RFFL: variants seen among roughly 807,000 people sequenced by gnomAD.
RFFL encodes ring finger and FYVE like domain containing E3 ubiquitin protein ligase, also known as E3 ubiquitin-protein ligase rififylin.
RFFL carries 16 observed loss-of-function variants against 40.4 expected under a neutral mutation model. The observed-to-expected ratio is 0.40, with a 90% CI of 0.27 to 0.60. The LOEUF (loss-of-function observed/expected upper bound fraction) is 0.60. Among genes scored for constraint, RFFL ranks in the 20% least tolerant of loss-of-function variants. RFFL has a pLI of 0.47. For synonymous variants in RFFL, 154 were observed against 167.9 expected (o/e 0.92, Z 0.64); for missense variants, 367 against 451.7 (o/e 0.81, Z 1.70).
In RFFL at chr17:35,011,885, GCTC is replaced by G; in HGVS notation, c.*80_*82del. The G allele has an allele frequency of 1.5e-6, 2 of 1,324,630 alleles. No homozygotes were observed. The highest frequency in any genetic ancestry group is 3.7e-5 in the Admixed American group (2 of 53,564). The allele number at this position is 1,324,630 out of a possible 1,614,324, so 82.1% of individuals were successfully genotyped here. A position where few individuals can be genotyped will look rare whatever the true frequency, so the allele number is the denominator to read the frequency against. ...AACCCTGCAATATTTCTACTAGCTTGCTCCTCTGCAAGCTGGCCAACCCTGAGC... is the reference window on the plus strand; with the variant it reads ...AACCCTGCAATATTTCTACTAGCTTGCTCTGCAAGCTGGCCAACCCTGAGC... On this transcript the variant is annotated 3_prime_UTR_variant, in exon 7 of 7. Transcript: ENST00000394597.
intron 1 of RFFL, among the ~76,000 whole-genome samples, chr17:35,028,519 G>A (rs1019914395): frequency 2.6e-5 from 4 of 152,076 alleles, no homozygotes; most frequent in Admixed American, 6.6e-5. Context: ...AAGCATTGAT[G>A]TGAGATATGA....
chr17:35,014,852 T>C, intron 5 of RFFL, 89 bp from the exon 6 acceptor site: 1 of 1,305,360 alleles, frequency 7.7e-7, no homozygotes, highest in Non-Finnish European at 1.1e-6. Context: ...TTCTGAACTC[T>C]TACCACTCCC....
At chr17:35,052,509 GGT>G (rs2091237641) in intron 1 of RFFL, among the ~76,000 whole-genome samples, 1 of 152,056 alleles carries the variant, frequency 6.6e-6, no homozygotes, top group African/African-American at 2.4e-5. Context: ...AAAAAAAGGG[GGT>G]GGTAAAGAGA....
intron 1 of RFFL, among the ~76,000 whole-genome samples, chr17:35,060,482 C>T (rs1451736135): frequency 6.6e-6 from 1 of 152,122 alleles, no homozygotes; most frequent in African/African-American, 2.4e-5. Context: ...TGTATATATG[C>T]TTTGGTATCA....
chr17:35,082,682 T>C (rs1242996386), intron 1 of RFFL, among the ~76,000 whole-genome samples: 1 of 152,214 alleles, frequency 6.6e-6, no homozygotes, highest in Admixed American at 6.5e-5. Context: ...AAAAATTGTG[T>C]GAGGAAGTGG....
intron 1 of RFFL, among the ~76,000 whole-genome samples, chr17:35,080,521 T>C (rs1248809466): frequency 6.6e-6 from 1 of 152,078 alleles, no homozygotes; most frequent in African/African-American, 2.4e-5. Context: ...AAGAAGAGGG[T>C]GAGGTGGGAG....
chr17:35,046,024 CAA>C (rs369019064), intron 1 of RFFL, among the ~76,000 whole-genome samples: 14 of 63,384 alleles, frequency 2.2e-4, no homozygotes, highest in Non-Finnish European at 2.6e-4. Context: ...GACTCTGTCT[CAA>C]AAAAAAAAAA....
intron 1 of RFFL, among the ~76,000 whole-genome samples, chr17:35,049,451 C>T (rs977729697): frequency 6.6e-6 from 1 of 152,098 alleles, no homozygotes; most frequent in Non-Finnish European, 1.5e-5. Flanking sequence ...TATCCTATAA[C>T]CAATCCAGTC....
chr17:35,038,554 G>A (rs555518910), intron 1 of RFFL, among the ~76,000 whole-genome samples: 3 of 152,210 alleles, frequency 2.0e-5, no homozygotes, highest in South Asian at 2.1e-4. Context: ...GTCCATCAAC[G>A]GTAGAATTAT....
chr17:35,032,775 G>A (rs1404606830), intron 1 of RFFL, among the ~76,000 whole-genome samples: 2 of 152,004 alleles, frequency 1.3e-5, no homozygotes, highest in Non-Finnish European at 2.9e-5. Flanking sequence ...GGGCAAGCAG[G>A]GGAAAGCCCA....
rs2090899676 is a variant in RFFL at position 35,006,994 on chromosome 17, T to C, written c.*4974A>G. On this transcript the variant is annotated 3_prime_UTR_variant, in exon 7 of 7. Coordinates refer to ENST00000394597, the MANE Select transcript of RFFL (RefSeq NM_001017368.2). ...TTCAGTATTAGGAATAAGATACTTT[T>C]TATTCCATCCTCTATGGAGACAAAA... 1.3e-5 allele frequency: 2 copies of C among 152,260 alleles called. No individual in the cohort carries two copies. Among genetic ancestry groups the C allele is most frequent in the African/African-American group, 2.4e-5 (1 of 41,460 alleles). 9.4% of individuals were successfully genotyped at this position (152,260 alleles called of 1,614,324 possible). A position where few individuals can be genotyped will look rare whatever the true frequency, so the allele number is the denominator to read the frequency against.
intron 6 of RFFL, 102 bp from the exon 7 acceptor site, chr17:35,012,251 C>T: frequency 1.0e-6 from 1 of 968,406 alleles, no homozygotes; most frequent in East Asian, 2.6e-5. Context: ...ATAACAGGTA[C>T]ATTGTAAACA....
chr17:35,009,744 G>C lies in RFFL; in HGVS notation c.*2224C>G, dbSNP rs901957948. 6 of 152,356 alleles carry C rather than the reference G, an allele frequency of 3.9e-5. No individual in the cohort carries two copies. Among genetic ancestry groups the C allele is most frequent in the Non-Finnish European group, 8.8e-5 (6 of 68,022 alleles). The allele number at this position is 152,356 out of a possible 1,614,324, so 9.4% of individuals were successfully genotyped here. On this transcript the variant is annotated 3_prime_UTR_variant, in exon 7 of 7. Coordinates refer to ENST00000394597, the MANE Select transcript of RFFL (RefSeq NM_001017368.2). ...GCTATCAGTATATTATTTTCGATTT[G>C]TGTCTAGGAGGGAAACTGAAGAGGA...
At chr17:35,031,811 T>C (rs1175279241) in intron 1 of RFFL, among the ~76,000 whole-genome samples, 4 of 151,788 alleles carry the variant, frequency 2.6e-5, no homozygotes, top group African/African-American at 7.3e-5. Context: ...AACTACAAAA[T>C]GCAGCTGGGC....
chr17:35,086,397 G>A (rs2091429596), intron 1 of RFFL, among the ~76,000 whole-genome samples: 1 of 151,740 alleles, frequency 6.6e-6, no homozygotes, highest in Non-Finnish European at 1.5e-5. Context: ...AGGATTGCGT[G>A]AGCCCAGGAG....
chr17:35,021,147 CAAAA>C (rs1280306041), intron 3 of RFFL, among the ~76,000 whole-genome samples: 1 of 152,024 alleles, frequency 6.6e-6, no homozygotes, highest in Non-Finnish European at 1.5e-5. Flanking sequence ...GTATTAAAAA[CAAAA>C]AACAAACAAA....
intron 1 of RFFL, among the ~76,000 whole-genome samples, chr17:35,088,279 G>A (rs967426071): frequency 6.6e-6 from 1 of 152,122 alleles, no homozygotes; most frequent in African/African-American, 2.4e-5. Flanking sequence ...CCTTCCTTAT[G>A]GTAGACTGGG....
intron 1 of RFFL, among the ~76,000 whole-genome samples, chr17:35,048,560 G>C (rs1369964802): frequency 6.6e-6 from 1 of 152,050 alleles, no homozygotes; most frequent in Admixed American, 6.5e-5. Flanking sequence ...AAACTTCTCA[G>C]AGGTGGTCAG....
intron 1 of RFFL, 54 bp from the exon 2 acceptor site, chr17:35,026,615 T>C: frequency 6.9e-7 from 1 of 1,442,160 alleles, no homozygotes; most frequent in Non-Finnish European, 9.5e-7. Flanking sequence ...ACCTCTACTG[T>C]CCTTTTGATG....
Sources: allele counts gnomAD v4.1 joint callset (sites outside exome capture counted in the v4.1 genomes callset), GRCh38; gene constraint gnomAD v4.1.1; transcripts MANE v1.5; gene names NCBI Gene and HGNC (gene_info 2026-07-23, HGNC 2026-07-21).